Variants in SNTB1 observed in about 807,000 individuals in gnomAD.
SNTB1 encodes beta-1-syntrophin.
Under a neutral mutation model 48.9 loss-of-function variants are expected in SNTB1, and 36 were observed. That is an observed-to-expected ratio of 0.74 (90% CI 0.56 to 0.97). The LOEUF is 0.97. Ranked by LOEUF, SNTB1 falls within the 50% of genes least tolerant of loss-of-function variation. The pLI, the probability that SNTB1 is intolerant of heterozygous loss-of-function variation, is 0.00. For missense variants in SNTB1, 786 were observed against 703.4 expected (o/e 1.12, Z -1.33); for synonymous variants, 299 against 294.6 (o/e 1.01, Z -0.15).
intron 1 of SNTB1, among the ~76,000 whole-genome samples, chr8:120,774,366 A>G (rs143831149): frequency 1.6e-4 from 24 of 151,800 alleles, no homozygotes; most frequent in African/African-American, 5.5e-4. Context: ...TGGCTATCTC[A>G]TGCTTAAGAG....
At chr8:120,599,663 T>A (rs902546189) in intron 3 of SNTB1, among the ~76,000 whole-genome samples, 2 of 152,240 alleles carry the variant, frequency 1.3e-5, no homozygotes, top group Non-Finnish European at 2.9e-5. Context: ...CTGAAATCTA[T>A]AATTTGAAGA....
chr8:120,618,768 A>G (rs1816752685), intron 3 of SNTB1, among the ~76,000 whole-genome samples: 1 of 152,214 alleles, frequency 6.6e-6, no homozygotes, highest in Non-Finnish European at 1.5e-5. Context: ...CCCAGTTATT[A>G]TTCAAGTTAA....
intron 2 of SNTB1, among the ~76,000 whole-genome samples, chr8:120,665,606 T>TATC (rs1817661847): frequency 6.6e-6 from 1 of 152,196 alleles, no homozygotes; most frequent in Non-Finnish European, 1.5e-5. Flanking sequence ...AATTTTTGCT[T>TATC]TAGTTATTGT....
chr8:120,744,279 A>T (rs1225381993), intron 1 of SNTB1, among the ~76,000 whole-genome samples: 1 of 152,212 alleles, frequency 6.6e-6, no homozygotes, highest in Non-Finnish European at 1.5e-5. Flanking sequence ...TCTAAAAATT[A>T]ACTAGCACCT....
chr8:120,658,553 A>T (rs1022144991), intron 2 of SNTB1, among the ~76,000 whole-genome samples: 7 of 152,254 alleles, frequency 4.6e-5, no homozygotes, highest in African/African-American at 1.7e-4. Context: ...AGTGCATGTA[A>T]GAGTTATGTT....
chr8:120,641,786 C>T (rs1425598662), intron 2 of SNTB1, among the ~76,000 whole-genome samples: 1 of 152,192 alleles, frequency 6.6e-6, no homozygotes, highest in Non-Finnish European at 1.5e-5. Flanking sequence ...CTTTTGTATA[C>T]CCTTTCCAGT....
intron 2 of SNTB1, among the ~76,000 whole-genome samples, chr8:120,645,420 A>T (rs960501474): frequency 6.6e-6 from 1 of 150,456 alleles, no homozygotes; most frequent in Non-Finnish European, 1.5e-5. Flanking sequence ...TTAAATAGGG[A>T]ATCCTTTCCC....
At chr8:120,731,690 G>C (rs1818853391) in intron 1 of SNTB1, among the ~76,000 whole-genome samples, 1 of 152,210 alleles carries the variant, frequency 6.6e-6, no homozygotes, top group African/African-American at 2.4e-5. Context: ...ACTGAGAGAA[G>C]ACTGGCCCTG....
chr8:120,562,025 C>G (rs1462807666), intron 4 of SNTB1, among the ~76,000 whole-genome samples: 2 of 152,226 alleles, frequency 1.3e-5, no homozygotes, highest in Admixed American at 6.5e-5. Context: ...CCCATCCAAA[C>G]AGCCAACAAG....
intron 1 of SNTB1, among the ~76,000 whole-genome samples, chr8:120,738,171 T>C (rs1322079214): frequency 6.6e-6 from 1 of 152,190 alleles, no homozygotes; most frequent in Non-Finnish European, 1.5e-5. Context: ...AGACACCTTC[T>C]ATGAACCATA....
At chr8:120,623,256 G>T (rs78802333) in intron 3 of SNTB1, among the ~76,000 whole-genome samples, 3 of 152,108 alleles carry the variant, frequency 2.0e-5, no homozygotes, top group African/African-American at 7.2e-5. Flanking sequence ...TCATTGTAAG[G>T]CTTAAAACTT....
chr8:120,709,206 T>A (rs189902469), intron 1 of SNTB1, among the ~76,000 whole-genome samples: 35 of 152,308 alleles, frequency 2.3e-4, no homozygotes, highest in African/African-American at 7.7e-4. Context: ...GGTCCTAATT[T>A]TCTGAGTAGT....
intron 2 of SNTB1, among the ~76,000 whole-genome samples, chr8:120,653,836 G>C (rs1402581684): frequency 1.3e-5 from 2 of 151,456 alleles, no homozygotes; most frequent in Admixed American, 1.3e-4. Flanking sequence ...TCAGGAGATC[G>C]AGACCATCCT....
intron 3 of SNTB1, among the ~76,000 whole-genome samples, chr8:120,625,048 C>T (rs934042617): frequency 3.9e-5 from 6 of 152,208 alleles, no homozygotes; most frequent in Non-Finnish European, 7.3e-5. Flanking sequence ...TGCGTGTGAA[C>T]TAACAGGAAG....
In SNTB1 at chr8:120,738,413, C is replaced by T. The variant is rs4072975; in HGVS notation, c.572-44505G>A. On this transcript the variant is annotated intron_variant, in intron 1 of 6. Transcript: ENST00000517992. ...AATACTTTAATGTAGAGTCAGTCTA[C>T]TGCAGGTGATCGAAGACCTTACGGG... Among the ~76,000 whole-genome samples the T allele has an allele frequency of 9.1e-3, 1,387 of 152,318 alleles. 55 individuals carry two copies. The South Asian group carries it at 0.12, about 14-fold the overall frequency.
intron 1 of SNTB1, among the ~76,000 whole-genome samples, chr8:120,713,493 A>G (rs1455729754): frequency 6.6e-6 from 1 of 152,124 alleles, no homozygotes; most frequent in African/African-American, 2.4e-5. Flanking sequence ...GGACTTTGGG[A>G]GGTCAAGGTG....
intron 1 of SNTB1, among the ~76,000 whole-genome samples, chr8:120,714,759 G>A (rs111566478): frequency 2.6e-4 from 40 of 152,226 alleles, no homozygotes; most frequent in African/African-American, 9.1e-4. Context: ...AAAATATCAC[G>A]GCGGAAGGTT....
chr8:120,711,058 A>C (rs539684988), intron 1 of SNTB1, among the ~76,000 whole-genome samples: 104 of 152,270 alleles, frequency 6.8e-4, no homozygotes, highest in African/African-American at 2.5e-3. Flanking sequence ...AAAAACCAAA[A>C]CAAAACAAAA....
intron 4 of SNTB1, among the ~76,000 whole-genome samples, chr8:120,553,372 A>G (rs1462447930): frequency 2.6e-5 from 4 of 152,242 alleles, no homozygotes; most frequent in Non-Finnish European, 5.9e-5. Flanking sequence ...AATGAAACGT[A>G]TAGTACTGTA....
Sources: allele counts gnomAD v4.1 joint callset (sites outside exome capture counted in the v4.1 genomes callset), GRCh38; gene constraint gnomAD v4.1.1; transcripts MANE v1.5; gene names NCBI Gene and HGNC (gene_info 2026-07-23, HGNC 2026-07-21).